The following TAMALIN variants were observed in gnomAD, a reference collection of about 807,000 sequenced individuals.
The protein encoded by TAMALIN is protein TAMALIN.
TAMALIN carries 9 observed loss-of-function variants against 38.5 expected under a neutral mutation model. The observed-to-expected ratio is 0.23, with a 90% CI of 0.14 to 0.41. TAMALIN has a LOEUF of 0.41. Ranked by LOEUF, TAMALIN falls within the 10% of genes least tolerant of loss-of-function variation. The pLI, the probability that TAMALIN is intolerant of heterozygous loss-of-function variation, is 1.00. For synonymous variants in TAMALIN, 306 were observed against 256.5 expected (o/e 1.19, Z -1.85); for missense variants, 548 against 554.1 (o/e 0.99, Z 0.11).
rs557919848 is a variant in TAMALIN at position 52,013,901 on chromosome 12, A to C, written c.573A>C (p.Ser191=). 6.2e-7 allele frequency: 1 copy of C among 1,614,142 alleles called. No individual in the cohort carries two copies. The highest frequency in any genetic ancestry group is 1.3e-5 in the African/African-American group (1 of 75,020). ...GACTGGAAACTCTATATGGGACATC[A>C]ATTCGGAAGGCAGAACTGGAGGCTC... ...VLRLETLYGT[S]IRKAELEARL... is the part of the protein sequence containing the mutation. The change falls in exon 6 of 8, where the codon TCA becomes TCC. Residue 191 remains serine (S), a synonymous_variant. Coordinates refer to ENST00000293662, the MANE Select transcript of TAMALIN (RefSeq NM_181711.4).
In TAMALIN at chr12:52,007,530, C is replaced by G. The variant is rs940275047; in HGVS notation, c.246+265C>G. The G allele has an allele frequency of 5.1e-6, 5 of 984,308 alleles. No homozygotes were observed. Among genetic ancestry groups the G allele is most frequent in the Non-Finnish European group, 6.0e-6 (5 of 829,036 alleles). 61.0% of individuals were successfully genotyped at this position (984,308 alleles called of 1,614,324 possible). On this transcript the variant is annotated intron_variant, in intron 1 of 7. Transcript: ENST00000293662. The surrounding 1 kb of genome is among the most constrained non-coding windows in gnomAD (Gnocchi z 6.7). ...CTCCTTGACTCCTCCCAGCACCCCC[C>G]TTCTCCTACCCGCTCCATCTGGCTT... is the stretch of plus-strand genomic sequence containing the variant.
At position 52,007,619 on chromosome 12, in the gene TAMALIN, G is replaced by A. The variant is rs1198722813; in HGVS notation, c.246+354G>A. The A allele has an allele frequency of 5.1e-5, 50 of 985,178 alleles. No individual in the cohort carries two copies. Among genetic ancestry groups the A allele is most frequent in the Admixed American group, 1.2e-4 (2 of 16,266 alleles). The allele number at this position is 985,178 out of a possible 1,614,324, so 61.0% of individuals were successfully genotyped here. On this transcript the variant is annotated intron_variant, in intron 1 of 7. Coordinates refer to ENST00000293662, the MANE Select transcript of TAMALIN (RefSeq NM_181711.4). The surrounding 1 kb of genome is among the most constrained non-coding windows in gnomAD (Gnocchi z 6.7). ...CTGGGTCCCCAGGAGCCCCTCGCCC[G>A]AGGGACAGAGACAGCCCCAGGCAAG...
intron 6 of TAMALIN, 61 bp from the exon 7 acceptor site, chr12:52,014,074 A>C (rs921523035): frequency 6.4e-7 from 1 of 1,567,916 alleles, no homozygotes; most frequent in African/African-American, 1.4e-5. Flanking sequence ...CCTCGTCTGT[A>C]CCCACGTCCT....
chr12:52,014,823 G>A lies in TAMALIN; in HGVS notation c.812G>A (p.Gly271Glu). The A allele has an allele frequency of 7.5e-7, 1 of 1,325,390 alleles. No homozygotes were observed. The highest frequency in any genetic ancestry group is 9.6e-7 in the Non-Finnish European group (1 of 1,040,136). 82.1% of individuals were successfully genotyped at this position (1,325,390 alleles called of 1,614,324 possible). ...CTCGCCGTGCCCGGGCGTCCCCGCG[G>A]AGGCGCCCGACGGGCCAGGGGCGAC... is the stretch of plus-strand genomic sequence containing the variant. ...PLLAVPGRPR[G>E]GARRARGDAD... Residue 271 changes from glycine (G) to glutamate (E), a missense_variant, in exon 8 of 8, where the codon GGA becomes GAA. Physicochemically the swap from Gly to Glu is moderately conservative, Grantham distance 98. This residue lies in a region of TAMALIN where 415 missense variants were observed against 417.0 expected (regional missense o/e 1.00). Transcript: ENST00000293662.
intron 1 of TAMALIN, chr12:52,008,765 G>C: frequency 1.0e-6 from 1 of 984,776 alleles, no homozygotes; most frequent in Non-Finnish European, 1.2e-6. Flanking sequence ...TGATAGGTGA[G>C]CCCAGGGGAC....
Position 52,007,072 on chromosome 12 carries a change from C to T in TAMALIN, c.53C>T (p.Thr18Ile), listed in dbSNP as rs1197071152. ...CAGCAGAAGGAGGAGGCGGCGGCCA[C>T]CCCGGACCCCGCCGCCCGGACTCCC... ...KLQQKEEAAA[T>I]PDPAARTPDS... Residue 18 changes from threonine (T) to isoleucine (I), a missense_variant, in exon 1 of 8, where the codon ACC becomes ATC. Coordinates refer to ENST00000293662, the MANE Select transcript of TAMALIN (RefSeq NM_181711.4). The surrounding 1 kb of genome is among the most constrained non-coding windows in gnomAD (Gnocchi z 6.7). 5 of 1,468,480 alleles carry T rather than the reference C, an allele frequency of 3.4e-6. No individual in the cohort carries two copies. The Admixed American group carries it at 7.5e-5, about 22-fold the overall frequency. The allele number at this position is 1,468,480 out of a possible 1,614,324, so 91.0% of individuals were successfully genotyped here. A position where few individuals can be genotyped will look rare whatever the true frequency, so the allele number is the denominator to read the frequency against.
At chr12:52,012,790 G>C (rs2120846805) in intron 4 of TAMALIN, among the ~76,000 whole-genome samples, 1 of 152,348 alleles carries the variant, frequency 6.6e-6, no homozygotes, top group African/African-American at 2.4e-5. Context: ...GGGGCACACT[G>C]TGCTTGAGGT....
chr12:52,013,672 T>G lies in TAMALIN; in HGVS notation c.455-15T>G. 1.2e-6 allele frequency: 2 copies of G among 1,613,146 alleles called. No homozygotes were observed. Among genetic ancestry groups the G allele is most frequent in the Non-Finnish European group, 1.7e-6 (2 of 1,179,214 alleles). ...GCCCCATGGAGCAAATCTAACCCCC[T>G]TGTCTGCCTGGCAGGGGACACCATC... On this transcript the variant is annotated splice_polypyrimidine_tract_variant and intron_variant, in intron 4 of 7. Coordinates refer to ENST00000293662, the MANE Select transcript of TAMALIN (RefSeq NM_181711.4).
At chr12:52,014,671 CT>C in intron 7 of TAMALIN, 22 bp from the exon 8 acceptor site, 6 of 1,460,910 alleles carry the variant, frequency 4.1e-6, no homozygotes, top group Non-Finnish European at 4.5e-6. Flanking sequence ...GACCCGCCCC[CT>C]ACCTCTCCCG....
At chr12:52,014,511 A>T in intron 7 of TAMALIN, 183 bp from the exon 8 acceptor site, 1 of 607,882 alleles carries the variant, frequency 1.6e-6, no homozygotes, top group Non-Finnish European at 2.9e-6. Flanking sequence ...CCCCATAAGG[A>T]TCTGAGTGAT....
At chr12:52,010,107 G>C (rs1942478216) in intron 2 of TAMALIN, among the ~76,000 whole-genome samples, 1 of 152,180 alleles carries the variant, frequency 6.6e-6, no homozygotes. Context: ...CAGAGTGAGA[G>C]GGGCTCGAGC....
chr12:52,006,977 G>T lies in TAMALIN; in HGVS notation c.-43G>T. 1 of 1,271,276 alleles carries T rather than the reference G, an allele frequency of 7.9e-7. No homozygotes were observed. Among genetic ancestry groups the T allele is most frequent in the Non-Finnish European group, 9.9e-7 (1 of 1,007,710 alleles). 78.7% of individuals were successfully genotyped at this position (1,271,276 alleles called of 1,614,324 possible). ...CCCCAGCCGCCGCCAGCCCCGCCGA[G>T]GGGAGCCAGCGCCGTCTCTGAGGGG... On this transcript the variant is annotated 5_prime_UTR_variant, in exon 1 of 8. It adds an upstream start codon to the 5' untranslated region. Transcript: ENST00000293662.
intron 1 of TAMALIN, chr12:52,008,024 C>T: frequency 1.0e-6 from 1 of 985,458 alleles, no homozygotes; most frequent in Non-Finnish European, 1.2e-6. Flanking sequence ...TTTCCTCACC[C>T]AGCCGCCCTC....
In TAMALIN at chr12:52,007,686, G is replaced by T. The variant is rs1185553481; in HGVS notation, c.246+421G>T. 2.0e-6 allele frequency: 2 copies of T among 985,284 alleles called. No homozygotes were observed. Among genetic ancestry groups the T allele is most frequent in the African/African-American group, 3.5e-5 (2 of 57,224 alleles). 61.0% of individuals were successfully genotyped at this position (985,284 alleles called of 1,614,324 possible). On this transcript the variant is annotated intron_variant, in intron 1 of 7. Coordinates refer to ENST00000293662, the MANE Select transcript of TAMALIN (RefSeq NM_181711.4). This position sits in a 1 kb window ranked among gnomAD's most constrained non-coding sequence, Gnocchi z 6.7. ...CCCCGGTGGGAGAAGCGGGCCGGTG[G>T]CTGCGCCGCGTGCGTTCTCACTCTG...
chr12:52,012,885 G>C (rs1419559218), intron 4 of TAMALIN, among the ~76,000 whole-genome samples: 1 of 152,138 alleles, frequency 6.6e-6, no homozygotes, highest in Non-Finnish European at 1.5e-5. Flanking sequence ...ACCACCAGAG[G>C]CTGGACTGAT....
At chr12:52,014,662 A>C (rs1592274386) in intron 7 of TAMALIN, 32 bp from the exon 8 acceptor site, 8 of 1,433,686 alleles carry the variant, frequency 5.6e-6, no homozygotes, top group Non-Finnish European at 7.3e-6. Context: ...TCCAGGCCTG[A>C]CCCGCCCCCT....
At position 52,010,911 on chromosome 12, in the gene TAMALIN, C is replaced by CCAGA. The variant is rs769551092; in HGVS notation, c.329_332dup (p.Phe112AspfsTer5). Reference sequence around the variant, plus strand: ...TGCTGACGTTGGAGAAGGAGGATAACCAGACCTTCGGCTTTGAGATCCAGG... The same window carrying CCAGA: ...TGCTGACGTTGGAGAAGGAGGATAACCAGACAGACCTTCGGCTTTGAGATCCAGG... On this transcript the variant is annotated frameshift_variant, in exon 3 of 8. Transcript: ENST00000293662. LOFTEE classifies it high-confidence loss of function. The CCAGA allele has an allele frequency of 6.2e-7, 1 of 1,614,038 alleles. No individual in the cohort carries two copies. The highest frequency in any genetic ancestry group is 8.5e-7 in the Non-Finnish European group (1 of 1,180,032).
chr12:52,007,381 C>T lies in TAMALIN; in HGVS notation c.246+116C>T, dbSNP rs548664031. ...CCGCGGAGTCCCCCACCTTCTTCCC[C>T]GGCCCGCTGGGTGCCTCGACTCCCC... On this transcript the variant is annotated intron_variant, in intron 1 of 7. Transcript: ENST00000293662. This position sits in a 1 kb window ranked among gnomAD's most constrained non-coding sequence, Gnocchi z 6.7. The T allele has an allele frequency of 3.3e-5, 42 of 1,270,096 alleles. No homozygotes were observed. The African/African-American group carries it at 5.9e-4, about 18-fold the overall frequency. 78.7% of individuals were successfully genotyped at this position (1,270,096 alleles called of 1,614,324 possible).
At chr12:52,008,384 A>T in intron 1 of TAMALIN, 11 of 985,266 alleles carry the variant, frequency 1.1e-5, no homozygotes, top group Non-Finnish European at 1.3e-5. Flanking sequence ...AGAGACAGGA[A>T]CCTTCATCTC....
Sources: allele counts gnomAD v4.1 joint callset (sites outside exome capture counted in the v4.1 genomes callset), GRCh38; gene constraint gnomAD v4.1.1; regional missense constraint gnomAD v4.1.1; non-coding constraint Gnocchi (gnomAD v3.1); transcripts MANE v1.5; gene names NCBI Gene and HGNC (gene_info 2026-07-23, HGNC 2026-07-21).